Variants in MDM1 observed in about 807,000 individuals in gnomAD.
MDM1 encodes the protein stabilizer of axonemal microtubules 6.
Under a neutral mutation model 89.1 loss-of-function variants are expected in MDM1, and 61 were observed. The ratio of observed to expected loss-of-function variants is 0.68; its 90% CI spans 0.56 to 0.85. The LOEUF is 0.85. MDM1 is among the 40% of genes least tolerant of loss of function. The probability of loss-of-function intolerance (pLI) is 0.00; values close to 1 mark genes in which losing one functional copy is unlikely to be tolerated. For synonymous variants in MDM1, 290 were observed against 294.1 expected, an observed-to-expected ratio of 0.99 and a Z score of 0.14; for missense variants, 820 against 846.5, an observed-to-expected ratio of 0.97 and a Z score of 0.39.
In MDM1 at chr12:68,295,448, T is replaced by A. The variant is rs188031599; in HGVS notation, c.2063-82A>T. 201 of 884,484 alleles carry A rather than the reference T, an allele frequency of 2.3e-4. No homozygotes were observed. In the Admixed American group the frequency reaches 3.8e-3, roughly 17 times the overall value. 54.8% of individuals were successfully genotyped at this position (884,484 alleles called of 1,614,324 possible). On this transcript the variant is annotated intron_variant, in intron 14 of 14. Coordinates refer to ENST00000682720, the MANE Select transcript of MDM1 (RefSeq NM_001354969.2). ...CATTGTGTTTTATATAACAGAAAAT[T>A]AAAAGCATCAAACTGTGTTATCAAT...
rs1246670561 is a variant in MDM1 at position 68,325,554 on chromosome 12, T to G, written c.520A>C (p.Lys174Gln). 6.3e-7 allele frequency: 1 copy of G among 1,582,480 alleles called. No individual in the cohort carries two copies. The highest frequency in any genetic ancestry group is 1.8e-5 in the Admixed American group (1 of 55,670). ...GAAGGAACAACAGTCAATCCAGCTTTCTTACGCAGAAGTCTATCCAACTGT... is the reference window on the plus strand; with the variant it reads ...GAAGGAACAACAGTCAATCCAGCTTGCTTACGCAGAAGTCTATCCAACTGT... Reference protein sequence around the residue: ...DNGLDRLLRKKAGLTVVPSYN... With the variant: ...DNGLDRLLRKQAGLTVVPSYN... Residue 174 changes from lysine to glutamine, a missense_variant, in exon 4 of 15, where the codon AAA (lysine) becomes CAA (glutamine). Transcript: ENST00000682720.
chr12:68,296,812 G>T, intron 14 of MDM1, 111 bp downstream of exon 14: 1 of 654,298 alleles, frequency 1.5e-6, no homozygotes, highest in Non-Finnish European at 2.4e-6. Flanking sequence ...AGGATCTAAT[G>T]AAAAATCTGT....
intron 4 of MDM1, chr12:68,325,234 T>C (rs1461533537): frequency 8.5e-7 from 1 of 1,172,032 alleles, no homozygotes; most frequent in African/African-American, 1.6e-5. Context: ...CTGGCAACAA[T>C]GATCATCAGA....
chr12:68,313,570 A>G lies in MDM1; in HGVS notation c.1640-18T>C, dbSNP rs556856364. ...AGCACCACCTGGAAAAATAAAGATG[A>G]CAGTTTCAATTACACTAAATTAACA... On this transcript the variant is annotated intron_variant, in intron 11 of 14. Coordinates refer to ENST00000682720, the MANE Select transcript of MDM1 (RefSeq NM_001354969.2). 1 of 1,610,876 alleles carries G rather than the reference A, an allele frequency of 6.2e-7. No homozygotes were observed. Among genetic ancestry groups the G allele is most frequent in the Admixed American group, 1.7e-5 (1 of 59,938 alleles).
At chr12:68,299,666 G>C (rs1439710048) in intron 13 of MDM1, among the ~76,000 whole-genome samples, 1 of 152,086 alleles carries the variant, frequency 6.6e-6, no homozygotes, top group Non-Finnish European at 1.5e-5. Flanking sequence ...AATGAACAAA[G>C]TCTCCAAGAA....
chr12:68,309,381 T>C (rs909017605), intron 12 of MDM1, among the ~76,000 whole-genome samples: 3 of 152,234 alleles, frequency 2.0e-5, no homozygotes, highest in Admixed American at 6.5e-5. Context: ...AGGTTTCTGA[T>C]CTCCATGATT....
chr12:68,301,099 C>A (rs1015046333), intron 13 of MDM1, among the ~76,000 whole-genome samples: 1 of 152,136 alleles, frequency 6.6e-6, no homozygotes, highest in African/African-American at 2.4e-5. Flanking sequence ...TTCAAAAATT[C>A]TTTGAAATGA....
At chr12:68,296,309 CCAA>C (rs1871376103) in intron 14 of MDM1, among the ~76,000 whole-genome samples, 1 of 152,146 alleles carries the variant, frequency 6.6e-6, no homozygotes, top group Non-Finnish European at 1.5e-5. Context: ...ACCATCCTGG[CCAA>C]CATGGTGAAA....
At chr12:68,298,380 T>C (rs767337619) in intron 13 of MDM1, among the ~76,000 whole-genome samples, 2 of 152,094 alleles carry the variant, frequency 1.3e-5, no homozygotes, top group African/African-American at 2.4e-5. Context: ...AGAGACACAA[T>C]TGCAGTGCTA....
At chr12:68,314,810 C>T in intron 10 of MDM1, 138 bp downstream of exon 10, 1 of 735,500 alleles carries the variant, frequency 1.4e-6, no homozygotes. Flanking sequence ...TACAGCAGTG[C>T]CTCCTTTGTG....
rs144156006 is a variant in MDM1 at position 68,326,859 on chromosome 12, T to G, written c.296A>C (p.Gln99Pro). The part of the protein sequence containing the change: ...PETPKSQEAE[Q>P]KDVTQERVHS... The stretch of plus-strand genomic sequence containing the variant: ...AACTCTTTCTTGAGTAACATCCTTT[T>G]GTTCTGCTTCTTGTGATTTTGGTGT... The change falls in exon 3 of 15, where the codon CAA becomes CCA. Residue 99 changes from glutamine to proline, a missense_variant. Gln to Pro is a moderately conservative substitution (Grantham distance 76). Transcript: ENST00000682720. 1.2e-6 allele frequency: 2 copies of G among 1,613,996 alleles called. No homozygotes were observed. The highest frequency in any genetic ancestry group is 4.5e-5 in the East Asian group (2 of 44,868).
At chr12:68,296,354 C>T (rs7962397) in intron 14 of MDM1, among the ~76,000 whole-genome samples, 1,588 of 152,168 alleles carry the variant, frequency 0.01, 26 homozygotes, top group African/African-American at 0.036. Context: ...AAAAATTAGC[C>T]GGGTGTGGTA....
intron 12 of MDM1, among the ~76,000 whole-genome samples, chr12:68,312,182 T>C (rs1444932990): frequency 1.3e-5 from 2 of 152,158 alleles, no homozygotes; most frequent in Non-Finnish European, 1.5e-5. Context: ...ACCTAAGCTA[T>C]AAAGAGCCTC....
intron 13 of MDM1, among the ~76,000 whole-genome samples, chr12:68,298,226 T>A (rs1486749669): frequency 6.6e-6 from 1 of 152,210 alleles, no homozygotes; most frequent in African/African-American, 2.4e-5. Flanking sequence ...ACACCCTAGC[T>A]GACCAGTGGT....
At chr12:68,309,913 C>T (rs956324642) in intron 12 of MDM1, among the ~76,000 whole-genome samples, 1 of 152,186 alleles carries the variant, frequency 6.6e-6, no homozygotes, top group African/African-American at 2.4e-5. Flanking sequence ...GCAGAAAATT[C>T]ACATGGAAGG....
At chr12:68,306,930 G>A (rs1322735731) in intron 12 of MDM1, among the ~76,000 whole-genome samples, 1 of 152,172 alleles carries the variant, frequency 6.6e-6, no homozygotes, top group Non-Finnish European at 1.5e-5. Context: ...GCAAACTCAT[G>A]GAATCAGCCT....
At chr12:68,309,060 G>A (rs146768743) in intron 12 of MDM1, among the ~76,000 whole-genome samples, 5 of 152,276 alleles carry the variant, frequency 3.3e-5, no homozygotes, top group East Asian at 1.9e-4. Flanking sequence ...TATGGCAGCC[G>A]GACAGATCTT....
intron 14 of MDM1, 61 bp from the exon 15 acceptor site, chr12:68,295,427 G>A (rs1162797471): frequency 9.5e-7 from 1 of 1,052,136 alleles, no homozygotes; most frequent in African/African-American, 1.6e-5. Flanking sequence ...AATAAACATT[G>A]TGTTTTATAT....
At chr12:68,297,203 T>A (rs1366035569) in intron 13 of MDM1, among the ~76,000 whole-genome samples, 1 of 152,236 alleles carries the variant, frequency 6.6e-6, no homozygotes, top group Non-Finnish European at 1.5e-5. Flanking sequence ...TATAATGCAC[T>A]TAGCAAGCAT....
Sources: allele counts gnomAD v4.1 joint callset (sites outside exome capture counted in the v4.1 genomes callset), GRCh38; gene constraint gnomAD v4.1.1; transcripts MANE v1.5; gene names NCBI Gene and HGNC (gene_info 2026-07-23, HGNC 2026-07-21).